The following GALNT16 variants were observed in gnomAD, a reference collection of about 807,000 sequenced individuals.
The protein encoded by GALNT16 is polypeptide N-acetylgalactosaminyltransferase 16.
In GALNT16, 40 loss-of-function variants were observed where a neutral mutation model predicts 76.1. The observed-to-expected ratio is 0.53, with a 90% CI of 0.41 to 0.68. GALNT16 has a LOEUF of 0.68. Ranked by LOEUF, GALNT16 falls within the 30% of genes least tolerant of loss-of-function variation. The probability of loss-of-function intolerance (pLI) is 0.00; values close to 1 mark genes in which losing one functional copy is unlikely to be tolerated. For synonymous variants in GALNT16, 276 were observed against 285.2 expected (o/e 0.97, Z 0.32); for missense variants, 621 against 731.9 (o/e 0.85, Z 1.75).
At chr14:69,365,180 C>T in the GALNT16 span, among the ~76,000 whole-genome samples, 2 of 152,130 alleles carry the variant, frequency 1.3e-5, no homozygotes, top group Admixed American at 1.3e-4. Flanking sequence ...TAAACTGTTT[C>T]CAAATGTGAA....
chr14:69,359,822 C>T (rs1457236436), downstream of GALNT16, among the ~76,000 whole-genome samples: 1 of 151,504 alleles, frequency 6.6e-6, no homozygotes, highest in Non-Finnish European at 1.5e-5. Context: ...GTCAGGAGAT[C>T]GAGACCATCC....
downstream of GALNT16, chr14:69,355,681 TG>T (rs2045687823): frequency 6.6e-6 from 1 of 152,356 alleles, no homozygotes; most frequent in Non-Finnish European, 1.5e-5. Flanking sequence ...GTTACGTCAC[TG>T]GCAGGAGAGT....
intron 12 of GALNT16, among the ~76,000 whole-genome samples, chr14:69,344,196 C>G (rs1461573077): frequency 6.6e-6 from 1 of 152,206 alleles, no homozygotes. Flanking sequence ...GTGGCTCTGC[C>G]CCTTCTCCAG....
the GALNT16 span, among the ~76,000 whole-genome samples, chr14:69,377,587 A>C: frequency 6.6e-6 from 1 of 152,240 alleles, no homozygotes; most frequent in African/African-American, 2.4e-5. Context: ...CAGGTGGATC[A>C]CTTGAGTCCA....
chr14:69,289,630 T>C (rs57246387), intron 1 of GALNT16, among the ~76,000 whole-genome samples: 4,485 of 152,174 alleles, frequency 0.029, 214 homozygotes, highest in African/African-American at 0.1. Context: ...TCCTGGATGC[T>C]CCACCAGGAG....
the GALNT16 span, among the ~76,000 whole-genome samples, chr14:69,373,002 C>T: frequency 1.3e-5 from 2 of 152,186 alleles, no homozygotes; most frequent in African/African-American, 2.4e-5. Context: ...GGTGACCATA[C>T]TTCTAACAGG....
At chr14:69,360,589 C>A, downstream of GALNT16, among the ~76,000 whole-genome samples, 1 of 131,820 alleles carries the variant, frequency 7.6e-6, no homozygotes, top group African/African-American at 2.9e-5. Context: ...GCCTGGGAGA[C>A]AGAGTGAGAC....
chr14:69,370,966 T>C, the GALNT16 span, among the ~76,000 whole-genome samples: 1 of 152,254 alleles, frequency 6.6e-6, no homozygotes, highest in African/African-American at 2.4e-5. Flanking sequence ...AAAATATTTC[T>C]TGAAATAGCT....
intron 5 of GALNT16, among the ~76,000 whole-genome samples, chr14:69,326,659 C>T (rs1466095317): frequency 6.6e-6 from 1 of 152,142 alleles, no homozygotes; most frequent in Non-Finnish European, 1.5e-5. Flanking sequence ...GGAGGGCATG[C>T]CAGCTTGTGC....
the GALNT16 span, among the ~76,000 whole-genome samples, chr14:69,380,932 G>C: frequency 6.6e-6 from 1 of 152,152 alleles, no homozygotes; most frequent in Non-Finnish European, 1.5e-5. Context: ...GAAACCATGT[G>C]TTCTTCCTCC....
the GALNT16 span, among the ~76,000 whole-genome samples, chr14:69,374,571 GACCA>G: frequency 2.0e-4 from 30 of 152,278 alleles, no homozygotes; most frequent in South Asian, 6.2e-4. Flanking sequence ...GTCCACCACA[GACCA>G]ACCAAATAAA....
At chr14:69,346,451 C>T (rs953337876) in intron 12 of GALNT16, among the ~76,000 whole-genome samples, 2 of 152,166 alleles carry the variant, frequency 1.3e-5, no homozygotes, top group Admixed American at 1.3e-4. Flanking sequence ...AGAAGCTGTG[C>T]TAATCTATGC....
At chr14:69,271,136 G>A (rs796478527) in intron 1 of GALNT16, among the ~76,000 whole-genome samples, 14 of 152,252 alleles carry the variant, frequency 9.2e-5, no homozygotes, top group East Asian at 3.9e-4. Context: ...AAACAACAAC[G>A]GGACATGGCT....
intron 1 of GALNT16, among the ~76,000 whole-genome samples, chr14:69,317,289 G>GGGA (rs1396971287): frequency 5.3e-5 from 8 of 152,216 alleles, no homozygotes; most frequent in Non-Finnish European, 7.3e-5. Context: ...TTTAGAAGAG[G>GGGA]GGAGGAGGGA....
At position 69,325,427 on chromosome 14, in the gene GALNT16, G is replaced by C. The variant is rs116431955; in HGVS notation, c.502+23G>C. ...ATCGTGAGTAGTCACCTTCCTTTTTGCAGCCCTCCATTCCGCCCTCGTCCC... is the reference window on the plus strand; with the variant it reads ...ATCGTGAGTAGTCACCTTCCTTTTTCCAGCCCTCCATTCCGCCCTCGTCCC... On this transcript the variant is annotated intron_variant, in intron 4 of 14. Transcript: ENST00000448469. The C allele has an allele frequency of 2.6e-3, 3,671 of 1,394,094 alleles. 76 individuals carry two copies. In the African/African-American group the frequency reaches 0.046, roughly 17 times the overall value. The allele number at this position is 1,394,094 out of a possible 1,614,324, so 86.4% of individuals were successfully genotyped here.
downstream of GALNT16, chr14:69,358,897 G>T (rs12879905): frequency 1.3e-5 from 2 of 152,284 alleles, no homozygotes; most frequent in African/African-American, 4.8e-5. Context: ...GACCTGAGTC[G>T]TGTAGTGCGA....
intron 1 of GALNT16, among the ~76,000 whole-genome samples, chr14:69,265,959 C>T (rs1594807187): frequency 6.6e-6 from 1 of 152,308 alleles, no homozygotes. Context: ...GTGTGTTTTA[C>T]AGGCTTACCT....
chr14:69,286,770 A>G (rs1368921539), intron 1 of GALNT16, among the ~76,000 whole-genome samples: 1 of 152,248 alleles, frequency 6.6e-6, no homozygotes, highest in Non-Finnish European at 1.5e-5. Context: ...GGAGAGCTGT[A>G]TGATCAAGCA....
upstream of GALNT16, chr14:69,259,971 G>C (rs111285644): frequency 0.023 from 4,991 of 216,216 alleles, 247 homozygotes; most frequent in African/African-American, 0.11. Flanking sequence ...CCCACTCGGC[G>C]CGCTTCTCTC....
Sources: allele counts gnomAD v4.1 joint callset (sites outside exome capture counted in the v4.1 genomes callset), GRCh38; gene constraint gnomAD v4.1.1; transcripts MANE v1.5; gene names NCBI Gene and HGNC (gene_info 2026-07-23, HGNC 2026-07-21).